KHDRBS2: variants seen among roughly 807,000 people sequenced by gnomAD.
KHDRBS2 encodes the protein KH RNA binding domain containing, signal transduction associated 2, also known as KH domain-containing, RNA-binding, signal transduction-associated protein 2.
A neutral mutation model predicts 44.3 loss-of-function variants in KHDRBS2; 26 were observed. That is an observed-to-expected ratio of 0.59 (90% CI 0.43 to 0.81). KHDRBS2 has a LOEUF of 0.81. Ranked by LOEUF, KHDRBS2 falls within the 40% of genes least tolerant of loss-of-function variation. KHDRBS2 has a pLI of 0.00. For synonymous variants in KHDRBS2, 194 were observed against 151.1 expected (o/e 1.28, Z -2.08); for missense variants, 476 against 433.1 (o/e 1.10, Z -0.88).
At chr6:62,232,907 C>A (rs2150160425) in intron 1 of KHDRBS2, among the ~76,000 whole-genome samples, 1 of 152,222 alleles carries the variant, frequency 6.6e-6, no homozygotes, top group East Asian at 1.9e-4. Context: ...GTCAAACAGA[C>A]CTTGATTCTC....
chr6:62,054,753 T>A (rs146703534), intron 2 of KHDRBS2, among the ~76,000 whole-genome samples: 3 of 152,000 alleles, frequency 2.0e-5, no homozygotes, highest in African/African-American at 7.2e-5. Context: ...CTTAAAGGAA[T>A]GCAACCCTGC....
At chr6:61,764,408 A>G in intron 6 of KHDRBS2, among the ~76,000 whole-genome samples, 1 of 152,184 alleles carries the variant, frequency 6.6e-6, no homozygotes, top group East Asian at 1.9e-4. Context: ...GAATCATCAC[A>G]CTGTCTTCCA....
chr6:61,630,232 C>T, the KHDRBS2 span: 2 of 152,102 alleles, frequency 1.3e-5, no homozygotes, highest in African/African-American at 4.8e-5. Flanking sequence ...CAAAAAAGTA[C>T]ATATTTTAAA....
the KHDRBS2 span, among the ~76,000 whole-genome samples, chr6:61,597,225 T>C: frequency 2.6e-5 from 4 of 152,206 alleles, no homozygotes; most frequent in Admixed American, 1.3e-4. Context: ...AGATTTTCTT[T>C]TTAGGTGTAA....
intron 1 of KHDRBS2, among the ~76,000 whole-genome samples, chr6:62,198,722 C>A (rs1826234073): frequency 6.6e-6 from 1 of 152,130 alleles, no homozygotes; most frequent in Admixed American, 6.6e-5. Context: ...GGGAATCCTC[C>A]CTAACTCATT....
chr6:61,615,736 G>C, the KHDRBS2 span, among the ~76,000 whole-genome samples: 1 of 152,132 alleles, frequency 6.6e-6, no homozygotes, highest in Admixed American at 6.5e-5. Context: ...TCAGATTAGG[G>C]ATGCTCAAGT....
chr6:61,654,498 T>C, the KHDRBS2 span, among the ~76,000 whole-genome samples: 1 of 151,826 alleles, frequency 6.6e-6, no homozygotes, highest in African/African-American at 2.4e-5. Context: ...GAATCCAGTA[T>C]GGGCAAGTGA....
chr6:62,279,896 A>T (rs1332313940), intron 1 of KHDRBS2, among the ~76,000 whole-genome samples: 1 of 152,188 alleles, frequency 6.6e-6, no homozygotes, highest in Non-Finnish European at 1.5e-5. Flanking sequence ...TTTGGCCTCT[A>T]CCTGGCACCA....
At chr6:61,756,102 A>C (rs1344669725) in intron 6 of KHDRBS2, among the ~76,000 whole-genome samples, 1 of 152,112 alleles carries the variant, frequency 6.6e-6, no homozygotes, top group Non-Finnish European at 1.5e-5. Flanking sequence ...TCTGGCAGGG[A>C]AAGTTTATGC....
intron 1 of KHDRBS2, among the ~76,000 whole-genome samples, chr6:62,247,280 G>A (rs1345029357): frequency 2.6e-5 from 4 of 151,892 alleles, no homozygotes; most frequent in Non-Finnish European, 5.9e-5. Context: ...TAAATAACAT[G>A]AGATATAGTG....
chr6:62,264,791 C>T (rs1323791628), intron 1 of KHDRBS2, among the ~76,000 whole-genome samples: 1 of 151,558 alleles, frequency 6.6e-6, no homozygotes. Flanking sequence ...ATTTATTAGG[C>T]CTTTTTCCTA....
Position 61,846,916 on chromosome 6 carries a change from T to C in KHDRBS2, c.810+47719A>G, listed in dbSNP as rs145072767. Among the ~76,000 whole-genome samples, 568 of 152,224 alleles carry C rather than the reference T, an allele frequency of 3.7e-3. 5 individuals carry two copies. Among genetic ancestry groups the C allele is most frequent in the Non-Finnish European group, 4.3e-3 (289 of 67,986 alleles). ...CAATAACTTTTAGAAAAAAAGATGC[T>C]ATTTTGTTCTAGTAATATGATAGCT... On this transcript the variant is annotated intron_variant, in intron 6 of 8. Coordinates refer to ENST00000281156, the MANE Select transcript of KHDRBS2 (RefSeq NM_152688.4).
the KHDRBS2 span, among the ~76,000 whole-genome samples, chr6:61,657,444 G>A: frequency 2.6e-5 from 4 of 151,778 alleles, no homozygotes; most frequent in East Asian, 1.9e-4. Flanking sequence ...TCGTTTCCAC[G>A]ACAACAACCA....
chr6:61,800,801 CT>C (rs1197491651), intron 6 of KHDRBS2, among the ~76,000 whole-genome samples: 1 of 152,084 alleles, frequency 6.6e-6, no homozygotes, highest in Non-Finnish European at 1.5e-5. Flanking sequence ...AGTTTCCTCT[CT>C]TTTTAGGATT....
intron 2 of KHDRBS2, among the ~76,000 whole-genome samples, chr6:62,092,197 T>G (rs1481093750): frequency 6.6e-6 from 1 of 152,032 alleles, no homozygotes; most frequent in Admixed American, 6.6e-5. Context: ...TTCATTCCCC[T>G]TCATGTCAGA....
chr6:62,036,429 A>G (rs1785296613), intron 3 of KHDRBS2, among the ~76,000 whole-genome samples: 1 of 151,930 alleles, frequency 6.6e-6, no homozygotes, highest in South Asian at 2.1e-4. Context: ...TCAAAAAACT[A>G]CTTATCGGAC....
intron 7 of KHDRBS2, among the ~76,000 whole-genome samples, chr6:61,713,823 GA>G (rs1216601035): frequency 1.3e-5 from 2 of 151,772 alleles, no homozygotes; most frequent in African/African-American, 2.4e-5. Flanking sequence ...AAGGATGTTA[GA>G]AAAAATGGAT....
intron 2 of KHDRBS2, among the ~76,000 whole-genome samples, chr6:62,079,281 C>T (rs1244649640): frequency 1.3e-5 from 2 of 151,844 alleles, no homozygotes; most frequent in African/African-American, 4.8e-5. Flanking sequence ...TACAGATTTA[C>T]ATGTTAATCT....
chr6:61,730,731 G>A (rs1164067588), intron 7 of KHDRBS2, among the ~76,000 whole-genome samples: 2 of 151,936 alleles, frequency 1.3e-5, no homozygotes, highest in Non-Finnish European at 2.9e-5. Flanking sequence ...AGGGAAGGCA[G>A]CAGAAGTGTG....
Sources: allele counts gnomAD v4.1 joint callset (sites outside exome capture counted in the v4.1 genomes callset), GRCh38; gene constraint gnomAD v4.1.1; transcripts MANE v1.5; gene names NCBI Gene and HGNC (gene_info 2026-07-23, HGNC 2026-07-21).